The following SENP5 variants were observed in gnomAD, a reference collection of about 807,000 sequenced individuals.
SENP5 encodes the protein sentrin-specific protease 5.
Under a neutral mutation model 74.2 loss-of-function variants are expected in SENP5, and 21 were observed. That is an observed-to-expected ratio of 0.28 (90% CI 0.20 to 0.41). The LOEUF (loss-of-function observed/expected upper bound fraction) is 0.41. Among genes scored for constraint, SENP5 ranks in the 10% least tolerant of loss-of-function variants. The probability of loss-of-function intolerance (pLI) is 1.00; values close to 1 mark genes in which losing one functional copy is unlikely to be tolerated. For synonymous variants in SENP5, 311 were observed against 312.7 expected (o/e 0.99, Z 0.06); for missense variants, 717 against 889.1 (o/e 0.81, Z 2.46).
chr3:196,874,662 C>G (rs2108804821), intron 1 of SENP5, among the ~76,000 whole-genome samples: 1 of 152,276 alleles, frequency 6.6e-6, no homozygotes, highest in South Asian at 2.1e-4. Flanking sequence ...GGGTGGATCA[C>G]CTGAGGTCAG....
chr3:196,868,593 C>G (rs1713047359), intron 1 of SENP5, among the ~76,000 whole-genome samples: 2 of 152,202 alleles, frequency 1.3e-5, no homozygotes, highest in African/African-American at 4.8e-5. Flanking sequence ...CCTGTGGCCA[C>G]TCTGTCGGGG....
intron 6 of SENP5, among the ~76,000 whole-genome samples, chr3:196,923,148 A>C (rs1414376916): frequency 1.3e-5 from 2 of 152,276 alleles, no homozygotes; most frequent in Non-Finnish European, 2.9e-5. Flanking sequence ...CAAGGAGCCA[A>C]GTCTTCAGGC....
chr3:196,911,725 G>T (rs529571137), intron 6 of SENP5, among the ~76,000 whole-genome samples: 2 of 152,166 alleles, frequency 1.3e-5, no homozygotes, highest in South Asian at 4.2e-4. Flanking sequence ...CAGGAGAATC[G>T]CTTGAACCTG....
At chr3:196,882,450 T>C (rs1713767470) in intron 1 of SENP5, among the ~76,000 whole-genome samples, 1 of 152,160 alleles carries the variant, frequency 6.6e-6, no homozygotes, top group African/African-American at 2.4e-5. Context: ...TTTATCTGTT[T>C]GTTTTGGTCT....
chr3:196,898,183 A>AAAAAAG (rs973173933), intron 2 of SENP5, among the ~76,000 whole-genome samples: 1 of 151,232 alleles, frequency 6.6e-6, no homozygotes, highest in African/African-American at 2.4e-5. Context: ...TGTCTTAAAA[A>AAAAAAG]AAAAGAAAAA....
rs1716166232 is a variant in SENP5 at position 196,934,410 on chromosome 3, CA to C, written c.*3488del. 6.6e-6 allele frequency: 1 copy of C among 152,230 alleles called. No individual in the cohort carries two copies. The highest frequency in any genetic ancestry group is 2.1e-4 in the South Asian group (1 of 4,828). 9.4% of individuals were successfully genotyped at this position (152,230 alleles called of 1,614,324 possible). Reference sequence around the variant, plus strand: ...GTGTATTAATAGTGTGAATTAGATACACTGATGACCTGCTCTGCCTAGTTAA... The same window carrying C: ...GTGTATTAATAGTGTGAATTAGATACCTGATGACCTGCTCTGCCTAGTTAA... On this transcript the variant is annotated 3_prime_UTR_variant, in exon 10 of 10. Coordinates refer to ENST00000323460, the MANE Select transcript of SENP5 (RefSeq NM_152699.5).
chr3:196,868,915 G>A (rs1713075008), intron 1 of SENP5, among the ~76,000 whole-genome samples: 1 of 144,650 alleles, frequency 6.9e-6, no homozygotes, highest in African/African-American at 2.6e-5. Flanking sequence ...GAATAACTAA[G>A]CTTGGTATGG....
intron 1 of SENP5, among the ~76,000 whole-genome samples, chr3:196,880,863 A>G (rs1487189254): frequency 6.6e-6 from 1 of 151,162 alleles, no homozygotes; most frequent in African/African-American, 2.4e-5. Flanking sequence ...CTGGTCTCGA[A>G]CTCGCGACCT....
intron 1 of SENP5, among the ~76,000 whole-genome samples, chr3:196,884,240 G>C (rs1299581858): frequency 6.6e-6 from 1 of 152,154 alleles, no homozygotes; most frequent in African/African-American, 2.4e-5. Context: ...AAAGACTCTG[G>C]GTAGCCATGC....
intron 6 of SENP5, among the ~76,000 whole-genome samples, chr3:196,914,845 G>T (rs73891572): frequency 0.015 from 2,341 of 151,968 alleles, 53 homozygotes; most frequent in African/African-American, 0.051. Flanking sequence ...ATCGAAGAGG[G>T]TAGGAAAGAC....
At chr3:196,900,230 A>T in intron 4 of SENP5, 135 bp from the exon 5 acceptor site, 1 of 1,049,786 alleles carries the variant, frequency 9.5e-7, no homozygotes, top group Non-Finnish European at 1.3e-6. Context: ...GGCAGTAATA[A>T]TATATTATTT....
intron 6 of SENP5, among the ~76,000 whole-genome samples, chr3:196,923,015 T>C (rs138151570): frequency 6.6e-6 from 1 of 152,062 alleles, no homozygotes; most frequent in African/African-American, 2.4e-5. Flanking sequence ...AGCCTCCCAA[T>C]GTACTGGGAT....
At chr3:196,924,130 TAAAAG>T (rs1560161335) in intron 7 of SENP5, among the ~76,000 whole-genome samples, 1 of 152,124 alleles carries the variant, frequency 6.6e-6, no homozygotes, top group African/African-American at 2.4e-5. Flanking sequence ...TTTAAGTACT[TAAAAG>T]AAATCTGTAC....
chr3:196,892,236 C>T (rs574053537), intron 2 of SENP5, among the ~76,000 whole-genome samples: 8 of 151,766 alleles, frequency 5.3e-5, no homozygotes, highest in African/African-American at 9.7e-5. Flanking sequence ...CTCCGCCTCC[C>T]GGGTTCAAGC....
chr3:196,890,648 C>A (rs1032515636), intron 2 of SENP5, among the ~76,000 whole-genome samples: 1 of 152,192 alleles, frequency 6.6e-6, no homozygotes, highest in Non-Finnish European at 1.5e-5. Flanking sequence ...GATTACTTTG[C>A]AAGTTCTTTA....
chr3:196,889,094 C>T (rs192558099), intron 2 of SENP5, among the ~76,000 whole-genome samples: 32 of 151,250 alleles, frequency 2.1e-4, no homozygotes, highest in African/African-American at 6.8e-4. Flanking sequence ...CCAGCCTGGG[C>T]GACAGAGCAA....
At chr3:196,930,046 G>A (rs1335215629) in intron 9 of SENP5, among the ~76,000 whole-genome samples, 2 of 151,284 alleles carry the variant, frequency 1.3e-5, no homozygotes, top group African/African-American at 4.9e-5. Context: ...ACAGTGATTA[G>A]ATTTTAAATA....
intron 1 of SENP5, among the ~76,000 whole-genome samples, chr3:196,878,701 C>G (rs1713588273): frequency 6.6e-6 from 1 of 152,130 alleles, no homozygotes; most frequent in Non-Finnish European, 1.5e-5. Context: ...AAGTGACTCT[C>G]CTGCCTCAGC....
Position 196,886,420 on chromosome 3 carries a change from G to A in SENP5, c.1239G>A (p.Leu413=). 2 of 1,611,640 alleles carry A rather than the reference G, an allele frequency of 1.2e-6. No homozygotes were observed. Among genetic ancestry groups the A allele is most frequent in the Non-Finnish European group, 1.7e-6 (2 of 1,178,400 alleles). The part of the protein sequence containing the change: ...TSSVSDDRVK[L]SVSGADTSVS... ...CTGTCAGTGATGACAGAGTAAAACT[G>A]TCAGTGTCTGGAGCAGATACATCTG... is the stretch of plus-strand genomic sequence containing the variant. The change falls in exon 2 of 10, where the codon CTG becomes CTA. Residue 413 remains leucine, a synonymous_variant. Coordinates refer to ENST00000323460, the MANE Select transcript of SENP5 (RefSeq NM_152699.5).
Sources: allele counts gnomAD v4.1 joint callset (sites outside exome capture counted in the v4.1 genomes callset), GRCh38; gene constraint gnomAD v4.1.1; transcripts MANE v1.5; gene names NCBI Gene and HGNC (gene_info 2026-07-23, HGNC 2026-07-21).